Variants in GRIA3 observed in about 807,000 individuals in gnomAD.
GRIA3 encodes glutamate receptor 3.
GRIA3 carries 3 observed loss-of-function variants against 63.0 expected under a neutral mutation model. The observed-to-expected ratio is 0.05, with a 90% confidence interval of 0.02 to 0.12. GRIA3 has a LOEUF of 0.12. Ranked by LOEUF, GRIA3 falls within the 10% of genes least tolerant of loss-of-function variation. The pLI is 1.00. For synonymous variants in GRIA3, 274 were observed against 257.9 expected, an observed-to-expected ratio of 1.06 and a Z score of -0.60; for missense variants, 347 against 700.9, an observed-to-expected ratio of 0.50 and a Z score of 5.70.
chrX:123,406,995 C>T (rs1037998664), intron 10 of GRIA3, among the ~76,000 whole-genome samples: 3 of 111,966 alleles, frequency 2.7e-5, no homozygotes, highest in Non-Finnish European at 5.6e-5. Context: ...TGGCACATTA[C>T]CTGATACATA....
rs187907760 is a variant in GRIA3, at chrX:123,384,497, C to T, written c.751-10471C>T. On this transcript the variant is annotated intron_variant, in intron 5 of 15. Coordinates refer to ENST00000620443, the MANE Select transcript of GRIA3 (RefSeq NM_007325.5). ...AAAATTAGCCGGGCGTGGTGACACA[C>T]GCCTGTAATCCCAGCTACTTGGGTG... is the stretch of plus-strand genomic sequence containing the variant. Among the ~76,000 whole-genome samples the T allele has an allele frequency of 4.3e-4, 48 of 111,663 alleles. No individual in the cohort carries two copies. The East Asian group carries it at 5.7e-3, about 13-fold the overall frequency.
chrX:123,417,869 A>G (rs2045544605), intron 11 of GRIA3, 91 bp downstream of exon 11: 1 of 811,520 alleles, frequency 1.2e-6, no homozygotes, highest in Admixed American at 2.2e-5. Context: ...TCAACTCCAG[A>G]TTTTTTTCAT....
intron 3 of GRIA3, among the ~76,000 whole-genome samples, chrX:123,316,893 A>T (rs1416634355): frequency 1.8e-5 from 2 of 111,914 alleles, no homozygotes; most frequent in Non-Finnish European, 3.8e-5. Flanking sequence ...ATATGCTTAG[A>T]TACACAAATA....
At chrX:123,442,845 T>C (rs1387668657) in intron 12 of GRIA3, among the ~76,000 whole-genome samples, 1 of 109,689 alleles carries the variant, frequency 9.1e-6, no homozygotes, top group African/African-American at 3.3e-5. Flanking sequence ...TTTTTTTTTT[T>C]TTCCCTATGC....
intron 3 of GRIA3, among the ~76,000 whole-genome samples, chrX:123,273,986 C>G (rs1286364137): frequency 8.9e-6 from 1 of 111,931 alleles, no homozygotes; most frequent in Non-Finnish European, 1.9e-5. Context: ...ACAAATACTT[C>G]AAGCAATGAG....
chrX:123,375,120 A>G (rs935203872), intron 5 of GRIA3, among the ~76,000 whole-genome samples: 26 of 111,520 alleles, frequency 2.3e-4, no homozygotes, highest in Middle Eastern at 4.2e-3. Context: ...TTCTATACCC[A>G]GTTTTTTTAG....
At chrX:123,412,811 GTGAGGTACAAC>G (rs953110244) in intron 10 of GRIA3, among the ~76,000 whole-genome samples, 2 of 111,180 alleles carry the variant, frequency 1.8e-5, no homozygotes, top group Middle Eastern at 8.3e-3. Flanking sequence ...GTCTACATCA[GTGAGGTACAAC>G]TGAGCACAGA....
intron 5 of GRIA3, among the ~76,000 whole-genome samples, chrX:123,389,839 G>A (rs1351556120): frequency 9.1e-6 from 1 of 110,315 alleles, no homozygotes. Context: ...CCAAGTAGCT[G>A]GGACTACAGA....
At chrX:123,409,250 G>A (rs2045493021) in intron 10 of GRIA3, among the ~76,000 whole-genome samples, 1 of 112,135 alleles carries the variant, frequency 8.9e-6, no homozygotes, top group Non-Finnish European at 1.9e-5. Flanking sequence ...ACAGAGCAGA[G>A]TGGAAAGAAT....
At chrX:123,378,435 C>CTTGG (rs1569427466) in intron 5 of GRIA3, among the ~76,000 whole-genome samples, 1 of 99,093 alleles carries the variant, frequency 1.0e-5, no homozygotes, top group Admixed American at 1.1e-4. Context: ...TTTTGAGACA[C>CTTGG]AGTCTCACTC....
chrX:123,316,326 T>C (rs987013971), intron 3 of GRIA3, among the ~76,000 whole-genome samples: 4 of 111,731 alleles, frequency 3.6e-5, no homozygotes, highest in Non-Finnish European at 7.5e-5. Flanking sequence ...AATAAAGAAA[T>C]GCTAACAAAA....
At chrX:123,267,376 G>A (rs1158731339) in intron 3 of GRIA3, among the ~76,000 whole-genome samples, 2 of 111,789 alleles carry the variant, frequency 1.8e-5, no homozygotes, top group Admixed American at 9.5e-5. Context: ...TTGGTTCTGG[G>A]AACCTTAGTC....
At chrX:123,223,570 C>T (rs1450576740) in intron 2 of GRIA3, among the ~76,000 whole-genome samples, 1 of 112,265 alleles carries the variant, frequency 8.9e-6, no homozygotes, top group Non-Finnish European at 1.9e-5. Flanking sequence ...TGTAGGGCTG[C>T]TAGAAGGCCC....
At position 123,482,934 on chromosome X, in the gene GRIA3, C is replaced by T. The variant is rs2045919094; in HGVS notation, c.2575C>T (p.Leu859Phe). 11 of 1,210,505 alleles carry T rather than the reference C, an allele frequency of 9.1e-6. No individual in the cohort carries two copies. Among genetic ancestry groups the T allele is most frequent in the Non-Finnish European group, 1.1e-5 (10 of 894,796 alleles). ...KSRAESKRMK[L>F]TKNTQNFKPA... is the part of the protein sequence containing the mutation. ...ACGGGCAGAGTCCAAACGCATGAAA[C>T]TCACAAAGAACACCCAAAACTTTAA... is the stretch of plus-strand genomic sequence containing the variant. Residue 859 changes from leucine to phenylalanine, a missense_variant, in exon 15 of 16, where the codon CTC becomes TTC. Physicochemically the swap from Leu to Phe is conservative, Grantham distance 22 (BLOSUM62 0). Transcript: ENST00000620443.
At chrX:123,200,646 A>G (rs1053364881) in intron 2 of GRIA3, among the ~76,000 whole-genome samples, 70 of 99,017 alleles carry the variant, frequency 7.1e-4, no homozygotes, top group Non-Finnish European at 1.0e-3. Context: ...CACACACGCA[A>G]CCATTATACA....
At chrX:123,399,802 CT>C (rs1207973602) in intron 7 of GRIA3, among the ~76,000 whole-genome samples, 3 of 111,580 alleles carry the variant, frequency 2.7e-5, no homozygotes, top group African/African-American at 9.8e-5. Flanking sequence ...TTATTGATGC[CT>C]TAAATTTGCC....
At chrX:123,439,648 G>T (rs2045662883) in intron 12 of GRIA3, among the ~76,000 whole-genome samples, 1 of 109,595 alleles carries the variant, frequency 9.1e-6, no homozygotes, top group South Asian at 4.0e-4. Flanking sequence ...TTGGCAATAT[G>T]AATTCACCTT....
Position 123,296,448 on chromosome X carries a change from C to G in GRIA3, c.509-29578C>G, listed in dbSNP as rs372638760. Among the ~76,000 whole-genome samples the G allele has an allele frequency of 2.7e-5, 3 of 110,849 alleles. No individual in the cohort carries two copies. In the East Asian group the frequency reaches 8.5e-4, roughly 31 times the overall value. On this transcript the variant is annotated intron_variant, in intron 3 of 15. Coordinates refer to ENST00000620443, the MANE Select transcript of GRIA3 (RefSeq NM_007325.5). The stretch of plus-strand genomic sequence containing the variant: ...GCACCCTCCCCAATTCCCACCCCAA[C>G]CTCCACATATCATTTAAAAGCCTGT...
chrX:123,250,053 G>T (rs1459941123), intron 2 of GRIA3, among the ~76,000 whole-genome samples: 1 of 111,309 alleles, frequency 9.0e-6, no homozygotes, highest in African/African-American at 3.3e-5. Context: ...ATATCGTTTA[G>T]GTGTATGTGT....
Sources: allele counts gnomAD v4.1 joint callset (sites outside exome capture counted in the v4.1 genomes callset), GRCh38; gene constraint gnomAD v4.1.1; transcripts MANE v1.5; gene names NCBI Gene and HGNC (gene_info 2026-07-23, HGNC 2026-07-21).